The following PEDS1 variants were observed in gnomAD, a reference collection of about 807,000 sequenced individuals.
PEDS1 encodes plasmanylethanolamine desaturase 1.
In PEDS1, 14 loss-of-function variants were observed where a neutral mutation model predicts 35.2. That is an observed-to-expected ratio of 0.40 (90% CI 0.26 to 0.62). The LOEUF (loss-of-function observed/expected upper bound fraction) is 0.62, where lower values mean the gene tolerates loss of function less well. Among genes scored for constraint, PEDS1 ranks in the 20% least tolerant of loss-of-function variants. The pLI, the probability that PEDS1 is intolerant of heterozygous loss-of-function variation, is 0.44. For synonymous variants in PEDS1, 152 were observed against 152.0 expected, an observed-to-expected ratio of 1.00 and a Z score of 0.00; for missense variants, 260 against 367.8, an observed-to-expected ratio of 0.71 and a Z score of 2.40.
intron 1 of PEDS1, among the ~76,000 whole-genome samples, chr20:50,150,959 G>A (rs2081396715): frequency 6.6e-6 from 1 of 152,130 alleles, no homozygotes; most frequent in Non-Finnish European, 1.5e-5. Flanking sequence ...GCCTCCCAAA[G>A]TGCTAGGATT....
intron 5 of PEDS1, among the ~76,000 whole-genome samples, chr20:50,126,947 C>G (rs1015295763): frequency 2.0e-5 from 3 of 152,122 alleles, no homozygotes; most frequent in Non-Finnish European, 4.4e-5. Context: ...TGCTCTGCCC[C>G]CTTCTCTCCT....
At chr20:50,144,259 AG>A (rs1163347841) in intron 1 of PEDS1, among the ~76,000 whole-genome samples, 1 of 152,240 alleles carries the variant, frequency 6.6e-6, no homozygotes, top group Non-Finnish European at 1.5e-5. Flanking sequence ...GAGACACCTA[AG>A]GGAACTTTAA....
chr20:50,151,053 T>A (rs2081397961), intron 1 of PEDS1, among the ~76,000 whole-genome samples: 1 of 152,214 alleles, frequency 6.6e-6, no homozygotes, highest in South Asian at 2.1e-4. Context: ...GAACATGGAC[T>A]AGAACATAGG....
chr20:50,152,466 C>T (rs1413025780), intron 1 of PEDS1, among the ~76,000 whole-genome samples: 1 of 152,192 alleles, frequency 6.6e-6, no homozygotes, highest in African/African-American at 2.4e-5. Flanking sequence ...CAGGAGTTCT[C>T]AAAGGCACTT....
Position 50,122,949 on chromosome 20 carries a change from A to T in PEDS1, c.*2109T>A, listed in dbSNP as rs932765636. ...CCCATTTCTTTAAAAAAAAAAAAAA[A>T]TAGCCAAGCCAGGTGTGGCGGCATG... On this transcript the variant is annotated 3_prime_UTR_variant, in exon 6 of 6. Coordinates refer to ENST00000371652, the MANE Select transcript of PEDS1 (RefSeq NM_199129.4). The T allele has an allele frequency of 6.0e-5, 9 of 151,172 alleles. No homozygotes were observed. The highest frequency in any genetic ancestry group is 2.2e-4 in the African/African-American group (9 of 40,982). 9.4% of individuals were successfully genotyped at this position (151,172 alleles called of 1,614,324 possible).
chr20:50,151,209 T>G lies in PEDS1; in HGVS notation c.121+2308A>C, dbSNP rs954894757. 7.6e-5 allele frequency: 98 copies of G among 1,297,304 alleles called. 1 individual carries two copies. The African/African-American group carries it at 1.4e-3, about 18-fold the overall frequency. The allele number at this position is 1,297,304 out of a possible 1,614,324, so 80.4% of individuals were successfully genotyped here. On this transcript the variant is annotated intron_variant, in intron 1 of 5. Transcript: ENST00000371652. ...AACCAGTTTGGCAAGTCTCCTCCCC[T>G]ACCTCCAGGTCTGGAGGAGATAAAG...
chr20:50,125,350 C>T (rs2081089073), intron 5 of PEDS1, among the ~76,000 whole-genome samples, 171 bp from the exon 6 acceptor site: 2 of 152,192 alleles, frequency 1.3e-5, no homozygotes, highest in South Asian at 4.1e-4. Context: ...ACCAATGGGC[C>T]TGGGGCCACT....
intron 5 of PEDS1, among the ~76,000 whole-genome samples, chr20:50,127,292 C>T (rs995591284): frequency 3.9e-5 from 6 of 151,958 alleles, no homozygotes; most frequent in African/African-American, 1.4e-4. Context: ...CGTTCCAGCT[C>T]CCTCACTAGA....
chr20:50,130,633 A>G (rs1247103397), intron 3 of PEDS1, among the ~76,000 whole-genome samples: 1 of 152,226 alleles, frequency 6.6e-6, no homozygotes, highest in Non-Finnish European at 1.5e-5. Flanking sequence ...CTGATGAGGC[A>G]GGCACATATC....
chr20:50,146,312 A>C (rs1179567779), intron 1 of PEDS1, among the ~76,000 whole-genome samples: 4 of 151,750 alleles, frequency 2.6e-5, no homozygotes, highest in Non-Finnish European at 4.4e-5. Context: ...CACTCCCCCC[A>C]CACGAGGCCC....
At position 50,128,529 on chromosome 20, in the gene PEDS1, T is replaced by C. The variant is rs1326315295; in HGVS notation, c.479-342A>G. Among the ~76,000 whole-genome samples, 1 of 152,172 alleles carries C rather than the reference T, an allele frequency of 6.6e-6. No homozygotes were observed. The highest frequency in any genetic ancestry group is 1.5e-5 in the Non-Finnish European group (1 of 68,042). On this transcript the variant is annotated intron_variant, in intron 4 of 5. Coordinates refer to ENST00000371652, the MANE Select transcript of PEDS1 (RefSeq NM_199129.4). This position sits in a 1 kb window ranked among gnomAD's most constrained non-coding sequence, Gnocchi z 5.2. ...GTGACTCTGCCTCTAAGAAGCTTAATTTCCCCATCAGGAAAATGGGAATGA... is the reference window on the plus strand; with the variant it reads ...GTGACTCTGCCTCTAAGAAGCTTAACTTCCCCATCAGGAAAATGGGAATGA...
In PEDS1 at chr20:50,128,203, AG is replaced by A. The variant is rs527913597; in HGVS notation, c.479-17del. 1.2e-5 allele frequency: 20 copies of A among 1,612,374 alleles called. No individual in the cohort carries two copies. In the African/African-American group the frequency reaches 1.7e-4, roughly 14 times the overall value. On this transcript the variant is annotated splice_polypyrimidine_tract_variant and intron_variant, in intron 4 of 5. Coordinates refer to ENST00000371652, the MANE Select transcript of PEDS1 (RefSeq NM_199129.4). The surrounding 1 kb of genome is among the most constrained non-coding windows in gnomAD (Gnocchi z 5.2). The stretch of plus-strand genomic sequence containing the variant: ...TCCAGGGCTTCTGCAGGTTGGGGAG[AG>A]GGGGGGCCGGCACAGCTGTCACTCG...
chr20:50,127,635 T>C (rs1484823888), intron 5 of PEDS1, among the ~76,000 whole-genome samples: 1 of 152,220 alleles, frequency 6.6e-6, no homozygotes, highest in Non-Finnish European at 1.5e-5. Flanking sequence ...CATGAGCCAC[T>C]GCGCCCAGCT....
rs569707003 is a variant in PEDS1 at position 50,128,464 on chromosome 20, C to T, written c.479-277G>A. On this transcript the variant is annotated intron_variant, in intron 4 of 5. Transcript: ENST00000371652. This position sits in a 1 kb window ranked among gnomAD's most constrained non-coding sequence, Gnocchi z 5.2. The stretch of plus-strand genomic sequence containing the variant: ...ACCGGAGTCAGCTGGAGCTGGGTTC[C>T]GATCTCTGCCGACATTTCTTGGCAG... 3.3e-5 allele frequency among the ~76,000 whole-genome samples: 5 copies of T among 152,288 alleles called. No individual in the cohort carries two copies.
Position 50,124,302 on chromosome 20 carries a change from A to C in PEDS1, c.*756T>G, listed in dbSNP as rs1436238549. 6.6e-6 allele frequency: 1 copy of C among 152,652 alleles called. No individual in the cohort carries two copies. Among genetic ancestry groups the C allele is most frequent in the East Asian group, 1.9e-4 (1 of 5,194 alleles). The allele number at this position is 152,652 out of a possible 1,614,324, so 9.5% of individuals were successfully genotyped here. On this transcript the variant is annotated 3_prime_UTR_variant, in exon 6 of 6. Transcript: ENST00000371652. ...CATTAAACAAGCAAGCACCTTTAAA[A>C]AAAAACAAAACAAAAAAGCCCTACT... is the stretch of plus-strand genomic sequence containing the variant.
At chr20:50,130,731 G>T in intron 3 of PEDS1, 125 bp downstream of exon 3, 1 of 1,216,808 alleles carries the variant, frequency 8.2e-7, no homozygotes, top group Non-Finnish European at 1.1e-6. Flanking sequence ...AGGGGTGAGG[G>T]ACAGGCTGCA....
intron 5 of PEDS1, 68 bp from the exon 6 acceptor site, chr20:50,125,247 G>C (rs2081087540): frequency 6.9e-6 from 11 of 1,583,114 alleles, no homozygotes; most frequent in Non-Finnish European, 8.6e-6. Context: ...GAAGAGAGCT[G>C]ACCTTCACTG....
chr20:50,146,304 C>A (rs62209909), intron 1 of PEDS1, among the ~76,000 whole-genome samples: 1 of 152,190 alleles, frequency 6.6e-6, no homozygotes, highest in African/African-American at 2.4e-5. Context: ...TGACCCCACA[C>A]TCCCCCCACA....
intron 2 of PEDS1, among the ~76,000 whole-genome samples, chr20:50,135,142 G>A (rs930240075): frequency 1.1e-4 from 17 of 152,172 alleles, no homozygotes; most frequent in Non-Finnish European, 2.2e-4. Flanking sequence ...CAGAGCTCGT[G>A]CCACTGCACT....
Sources: gnomAD v4.1 joint callset for allele counts (sites outside exome capture counted in the v4.1 genomes callset) on GRCh38, gnomAD v4.1.1 for gene constraint, Gnocchi (gnomAD v3.1) non-coding constraint, MANE v1.5 for transcripts, NCBI Gene and HGNC (gene_info 2026-07-23, HGNC 2026-07-21) for gene names.